The following STRBP variants were observed in gnomAD, a reference collection of about 807,000 sequenced individuals.
STRBP encodes spermatid perinuclear RNA-binding protein.
A neutral mutation model predicts 80.1 loss-of-function variants in STRBP; 13 were observed. The observed-to-expected ratio is 0.16, with a 90% CI of 0.11 to 0.26. The LOEUF (loss-of-function observed/expected upper bound fraction) is 0.26. Among genes scored for constraint, STRBP ranks in the 10% least tolerant of loss-of-function variants. The pLI is 1.00. For missense variants in STRBP, 485 were observed against 815.2 expected, an observed-to-expected ratio of 0.59 and a Z score of 4.93; for synonymous variants, 284 against 291.2, an observed-to-expected ratio of 0.98 and a Z score of 0.25.
downstream of STRBP, among the ~76,000 whole-genome samples, chr9:123,119,207 A>G (rs992408725): frequency 1.3e-5 from 2 of 152,100 alleles, no homozygotes; most frequent in African/African-American, 4.8e-5. Context: ...TCTGTGCTTT[A>G]AAGGAACTTG....
At chr9:123,128,539 T>A (rs2035991893) in intron 17 of STRBP, among the ~76,000 whole-genome samples, 1 of 152,230 alleles carries the variant, frequency 6.6e-6, no homozygotes, top group Non-Finnish European at 1.5e-5. Context: ...CTCTATTAAC[T>A]ATCAGTTCCT....
rs2036379493 is a variant in STRBP, at chr9:123,136,910, GA to G, written c.1498-396del. Among the ~76,000 whole-genome samples, 1 of 152,200 alleles carries G rather than the reference GA, an allele frequency of 6.6e-6. No homozygotes were observed. The highest frequency in any genetic ancestry group is 1.5e-5 in the Non-Finnish European group (1 of 68,022). ...CATTTTTCTTCTTTAGGGTTAGGAA[GA>G]AATAACTCTCAATTTGGGATGTTAG... On this transcript the variant is annotated intron_variant, in intron 14 of 18. Coordinates refer to ENST00000348403, the MANE Select transcript of STRBP (RefSeq NM_018387.5). This position sits in a 1 kb window ranked among gnomAD's most constrained non-coding sequence, Gnocchi z 4.2.
At chr9:123,176,963 T>C (rs756237095) in intron 4 of STRBP, among the ~76,000 whole-genome samples, 1 of 152,184 alleles carries the variant, frequency 6.6e-6, no homozygotes, top group African/African-American at 2.4e-5. Flanking sequence ...TAAGACAGCA[T>C]AGGTAAAAGC....
chr9:123,206,928 G>A (rs567785796), intron 2 of STRBP, among the ~76,000 whole-genome samples: 20 of 152,178 alleles, frequency 1.3e-4, no homozygotes, highest in South Asian at 4.2e-4. Context: ...ATGAGCCACC[G>A]CGCCCAGCCA....
At position 123,184,309 on chromosome 9, in the gene STRBP, A is replaced by G. The variant is rs2038610440; in HGVS notation, c.-164-11T>C. Reference sequence around the variant, plus strand: ...TTCTCTGGAACACACCTGCAAGAGAAGAGGAAAACAACTTCAAAAATGCTT... The same window carrying G: ...TTCTCTGGAACACACCTGCAAGAGAGGAGGAAAACAACTTCAAAAATGCTT... On this transcript the variant is annotated splice_polypyrimidine_tract_variant and intron_variant, in intron 2 of 18. Coordinates refer to ENST00000348403, the MANE Select transcript of STRBP (RefSeq NM_018387.5). The G allele has an allele frequency of 4.1e-6, 2 of 487,672 alleles. No homozygotes were observed. Among genetic ancestry groups the G allele is most frequent in the Non-Finnish European group, 7.2e-6 (2 of 278,158 alleles). 30.2% of individuals were successfully genotyped at this position (487,672 alleles called of 1,614,324 possible). A position where few individuals can be genotyped will look rare whatever the true frequency, so the allele number is the denominator to read the frequency against.
chr9:123,229,096 T>C (rs944160666), intron 2 of STRBP, among the ~76,000 whole-genome samples: 1 of 152,208 alleles, frequency 6.6e-6, no homozygotes, highest in African/African-American at 2.4e-5. Flanking sequence ...GACCACATAT[T>C]GTATGATTCC....
rs1165522529 is a variant in STRBP, at chr9:123,125,572, A to G, written c.*25T>C. 6.2e-7 allele frequency: 1 copy of G among 1,609,834 alleles called. No individual in the cohort carries two copies. The highest frequency in any genetic ancestry group is 1.7e-5 in the Admixed American group (1 of 58,952). On this transcript the variant is annotated 3_prime_UTR_variant, in exon 19 of 19. Transcript: ENST00000348403. ...TCTGTGTTGTACTGTATTGTTGTTC[A>G]ATAGGAATTAGCTTCTGTCATTTGC...
Position 123,159,556 on chromosome 9 carries a change from A to C in STRBP, c.724-349T>G, listed in dbSNP as rs78328649. ...TAGCTAATAACTAGCCAGTGTACAA[A>C]ACCCAGCCCACTTAATCTCCCACTT... On this transcript the variant is annotated intron_variant, in intron 8 of 18. Coordinates refer to ENST00000348403, the MANE Select transcript of STRBP (RefSeq NM_018387.5). 9.0e-3 allele frequency among the ~76,000 whole-genome samples: 1,377 copies of C among 152,294 alleles called. 36 individuals carry two copies. Among genetic ancestry groups the C allele is most frequent in the East Asian group, 0.08 (412 of 5,182 alleles).
chr9:123,125,270 T>C lies in STRBP; in HGVS notation c.*327A>G. The C allele has an allele frequency of 2.9e-6, 3 of 1,028,404 alleles. No individual in the cohort carries two copies. Among genetic ancestry groups the C allele is most frequent in the Non-Finnish European group, 3.5e-6 (3 of 857,282 alleles). 63.7% of individuals were successfully genotyped at this position (1,028,404 alleles called of 1,614,324 possible). On this transcript the variant is annotated 3_prime_UTR_variant, in exon 19 of 19. Transcript: ENST00000348403. ...TCAGTGTTTGAGACTCTATACATCC[T>C]TCACAAATTTAATTTTACATAATCT...
Position 123,122,576 on chromosome 9 carries a change from A to G in STRBP, c.*3021T>C. On this transcript the variant is annotated 3_prime_UTR_variant, in exon 19 of 19. Transcript: ENST00000348403. ...CAACTCCTTACTTCACCACCCATGC[A>G]CTTCATCTAGTCAGCATGAGGTATG... is the stretch of plus-strand genomic sequence containing the variant. 1 of 1,118,526 alleles carries G rather than the reference A, an allele frequency of 8.9e-7. No individual in the cohort carries two copies. Among genetic ancestry groups the G allele is most frequent in the Non-Finnish European group, 1.1e-6 (1 of 908,156 alleles). The allele number at this position is 1,118,526 out of a possible 1,614,324, so 69.3% of individuals were successfully genotyped here.
intron 2 of STRBP, among the ~76,000 whole-genome samples, chr9:123,236,446 G>T (rs1314979876): frequency 6.6e-6 from 1 of 151,760 alleles, no homozygotes; most frequent in African/African-American, 2.4e-5. Flanking sequence ...CTAAAACATG[G>T]CGTCATTTGT....
rs760935521 is a variant in STRBP at position 123,139,628 on chromosome 9, G to A, written c.1398C>T (p.Ser466=). The stretch of plus-strand genomic sequence containing the variant: ...TACTTTCATTATCTGATTTTTCATC[G>A]GAACTCATACATTCAATATCTGCAT... ...GFDADIECMS[S]DEKSDNESKN... The change falls in exon 14 of 19, where the codon TCC becomes TCT. Residue 466 remains serine (S), a synonymous_variant. Transcript: ENST00000348403. 9.3e-6 allele frequency: 15 copies of A among 1,612,248 alleles called. No individual in the cohort carries two copies. Among genetic ancestry groups the A allele is most frequent in the Middle Eastern group, 1.6e-4 (1 of 6,076 alleles).
At chr9:123,140,214 T>G (rs983983954) in intron 13 of STRBP, among the ~76,000 whole-genome samples, 3 of 152,240 alleles carry the variant, frequency 2.0e-5, no homozygotes, top group Non-Finnish European at 2.9e-5. Context: ...AAATTTTTTA[T>G]CTTTGAACCA....
chr9:123,268,361 C>T (rs573219913), intron 1 of STRBP, 75 bp downstream of exon 1: 339 of 151,568 alleles, frequency 2.2e-3, no homozygotes, highest in Non-Finnish European at 3.8e-3. Flanking sequence ...CGCCAACCGC[C>T]TCAACCGCCG....
chr9:123,195,137 C>G (rs539263719), intron 2 of STRBP, among the ~76,000 whole-genome samples: 5 of 152,112 alleles, frequency 3.3e-5, no homozygotes, highest in Non-Finnish European at 7.4e-5. Flanking sequence ...CAAAACAAAA[C>G]AAAACAAAAA....
rs113998978 is a variant in STRBP at position 123,253,370 on chromosome 9, C to T, written c.-302+15066G>A. On this transcript the variant is annotated intron_variant, in intron 1 of 18. Transcript: ENST00000348403. ...AGGATAAAGTGGCAACTAACAAACA[C>T]CAACAGGACTAACAAACTCAAATCC... Among the ~76,000 whole-genome samples the T allele has an allele frequency of 5.8e-3, 885 of 152,302 alleles. 6 individuals carry two copies. Among genetic ancestry groups the T allele is most frequent in the African/African-American group, 0.02 (837 of 41,556 alleles).
At chr9:123,206,022 T>C (rs1408886975) in intron 2 of STRBP, among the ~76,000 whole-genome samples, 2 of 152,120 alleles carry the variant, frequency 1.3e-5, no homozygotes, top group South Asian at 2.1e-4. Context: ...ATAAAAGCAA[T>C]AGATTGGGGT....
rs970968526 is a variant in STRBP at position 123,153,017 on chromosome 9, G to A, written c.1045+4995C>T. On this transcript the variant is annotated intron_variant, in intron 11 of 18. Coordinates refer to ENST00000348403, the MANE Select transcript of STRBP (RefSeq NM_018387.5). ...ATCTGCAAGTATTTTAAGATAAAAAGTTGAAGAGGGGTGGTGTTCTCCATA... is the reference window on the plus strand; with the variant it reads ...ATCTGCAAGTATTTTAAGATAAAAAATTGAAGAGGGGTGGTGTTCTCCATA... Among the ~76,000 whole-genome samples, 31 of 152,198 alleles carry A rather than the reference G, an allele frequency of 2.0e-4. No individual in the cohort carries two copies. In the East Asian group the frequency reaches 5.4e-3, roughly 27 times the overall value.
intron 6 of STRBP, among the ~76,000 whole-genome samples, chr9:123,164,192 C>T (rs960074602): frequency 2.0e-5 from 3 of 152,088 alleles, no homozygotes; most frequent in Non-Finnish European, 2.9e-5. Context: ...ACTACAGGTG[C>T]GTGCCACCAT....
Sources: gnomAD v4.1 joint callset for allele counts (sites outside exome capture counted in the v4.1 genomes callset) on GRCh38, gnomAD v4.1.1 for gene constraint, Gnocchi (gnomAD v3.1) non-coding constraint, MANE v1.5 for transcripts, NCBI Gene and HGNC (gene_info 2026-07-23, HGNC 2026-07-21) for gene names.